C6: variants seen among roughly 807,000 people sequenced by gnomAD.
C6 encodes complement component C6.
C6 carries 101 observed loss-of-function variants against 112.9 expected under a neutral mutation model. The observed-to-expected ratio is 0.89, with a 90% CI of 0.76 to 1.06. The LOEUF is 1.06. Ranked by LOEUF, C6 falls within the 50% of genes least tolerant of loss-of-function variation. The pLI is 0.00. For missense variants in C6, 1,202 were observed against 1,104.6 expected (o/e 1.09, Z -1.25); for synonymous variants, 431 against 384.1 (o/e 1.12, Z -1.43).
chr5:41,214,040 C>A (rs183176763), upstream of C6, among the ~76,000 whole-genome samples: 1 of 152,008 alleles, frequency 6.6e-6, no homozygotes, highest in African/African-American at 2.4e-5. Flanking sequence ...ATGATGATTA[C>A]GCTTCTCTGA....
Position 41,149,959 on chromosome 5 carries a change from C to G in C6, c.2357G>C (p.Cys786Ser). 3 of 1,612,466 alleles carry G rather than the reference C, an allele frequency of 1.9e-6. No homozygotes were observed. The highest frequency in any genetic ancestry group is 2.5e-6 in the Non-Finnish European group (3 of 1,178,632). The stretch of plus-strand genomic sequence containing the variant: ...CCTACAGTCTTCTTCTGGAGACATA[C>G]AAATGCATTCAGATCCTGATTGTTT... ...GQKQSGSECI[C>S]MSPEEDCSHH... is the part of the protein sequence containing the mutation. The change falls in exon 16 of 18, where the codon TGT (cysteine) becomes TCT (serine). Residue 786 changes from cysteine (C) to serine (S), a missense_variant. Physicochemically the swap from Cys to Ser is moderately radical, Grantham distance 112. Coordinates refer to ENST00000337836, the MANE Select transcript of C6 (RefSeq NM_000065.5).
chr5:41,146,722 TTC>T (rs2150222289), intron 17 of C6, among the ~76,000 whole-genome samples: 1 of 152,238 alleles, frequency 6.6e-6, no homozygotes, highest in African/African-American at 2.4e-5. Flanking sequence ...ACCCAAAGCA[TTC>T]TGTTAATTTC....
rs181085534 is a variant in C6, at chr5:41,172,428, C to T, written c.1169-81G>A. The stretch of plus-strand genomic sequence containing the variant: ...GAGGAACATGGTGCTCTGGTCACTT[C>T]GGATCTACAGATACTTTATATTAGC... On this transcript the variant is annotated intron_variant, in intron 8 of 17. Coordinates refer to ENST00000337836, the MANE Select transcript of C6 (RefSeq NM_000065.5). 38 of 1,351,036 alleles carry T rather than the reference C, an allele frequency of 2.8e-5. No individual in the cohort carries two copies. The African/African-American group carries it at 4.7e-4, about 17-fold the overall frequency. The allele number at this position is 1,351,036 out of a possible 1,614,324, so 83.7% of individuals were successfully genotyped here. A position where few individuals can be genotyped will look rare whatever the true frequency, so the allele number is the denominator to read the frequency against.
chr5:41,149,134 A>G (rs186323659), intron 17 of C6, 107 bp downstream of exon 17: 6 of 1,374,240 alleles, frequency 4.4e-6, no homozygotes, highest in African/African-American at 2.9e-5. Flanking sequence ...TTTACAATGA[A>G]AAGGAATTAT....
At chr5:41,160,074 T>C (rs1186106307) in intron 11 of C6, 68 bp downstream of exon 11, 5 of 1,306,568 alleles carry the variant, frequency 3.8e-6, no homozygotes, top group Non-Finnish European at 3.3e-6. Context: ...TTCTTTTTAA[T>C]TGACCAACTT....
intron 9 of C6, among the ~76,000 whole-genome samples, chr5:41,164,976 C>T (rs933228818): frequency 1.3e-5 from 2 of 152,144 alleles, no homozygotes; most frequent in African/African-American, 4.8e-5. Context: ...GGAAAGCCTC[C>T]TTCATGCTTT....
At chr5:41,176,374 TA>T in intron 8 of C6, 100 bp downstream of exon 8, 1 of 1,213,704 alleles carries the variant, frequency 8.2e-7, no homozygotes, top group South Asian at 1.4e-5. Flanking sequence ...AAGCAGGATC[TA>T]AATAAAGTCA....
Position 41,234,349 on chromosome 5 carries a change from TG to T in C6, c.-21+26844del, listed in dbSNP as rs1399644077. On this transcript the variant is annotated intron_variant, in intron 1 of 17. Transcript: ENST00000263413. ...TATTCTACCCTTTCGTTTTTTTTTT[TG>T]TTTTTTGTTTTTTGTTTTTTTTTTT... 1.6e-3 allele frequency among the ~76,000 whole-genome samples: 226 copies of T among 138,778 alleles called. 1 individual carries two copies. Among genetic ancestry groups the T allele is most frequent in the African/African-American group, 6.8e-3 (218 of 32,014 alleles). 91.0% of individuals were successfully genotyped at this position (138,778 alleles called of 152,430 possible). A position where few individuals can be genotyped will look rare whatever the true frequency, so the allele number is the denominator to read the frequency against.
At chr5:41,218,992 T>C (rs1272407826) in intron 1 of C6, among the ~76,000 whole-genome samples, 1 of 152,332 alleles carries the variant, frequency 6.6e-6, no homozygotes, top group East Asian at 1.9e-4. Flanking sequence ...AAGGAAGTTA[T>C]CCTAACTAGG....
intron 9 of C6, among the ~76,000 whole-genome samples, chr5:41,165,710 C>T (rs1747922330): frequency 6.6e-6 from 1 of 152,000 alleles, no homozygotes. Flanking sequence ...AGGCTTTGTC[C>T]TCATCAATTT....
chr5:41,198,547 A>T (rs751254076), intron 4 of C6, among the ~76,000 whole-genome samples: 20 of 152,234 alleles, frequency 1.3e-4, no homozygotes, highest in African/African-American at 4.1e-4. Context: ...CTTAACAACC[A>T]TTACAGACAC....
intron 15 of C6, chr5:41,152,818 A>G (rs1746537537): frequency 6.6e-6 from 1 of 152,186 alleles, no homozygotes; most frequent in Non-Finnish European, 1.5e-5. Flanking sequence ...AAAAGAATCA[A>G]TTCAGCTTTC....
chr5:41,194,208 C>T lies in C6; in HGVS notation c.587+1584G>A, dbSNP rs111762399. On this transcript the variant is annotated intron_variant, in intron 5 of 17. Transcript: ENST00000337836. ...CCAAGAGAAGGAAACCATTTCTGCA[C>T]ATGGATAAGAATATGTTGTTGAAGC... Among the ~76,000 whole-genome samples the T allele has an allele frequency of 8.2e-3, 1,241 of 152,204 alleles. 18 individuals carry two copies. The highest frequency in any genetic ancestry group is 0.028 in the African/African-American group (1,166 of 41,542).
Position 41,158,816 on chromosome 5 carries a change from T to C in C6, c.1857-31A>G, listed in dbSNP as rs780886156. Reference sequence around the variant, plus strand: ...AGGGAAACATAAATATGTGTGTATATGTATGTATGTACACACATTTACATG... The same window carrying C: ...AGGGAAACATAAATATGTGTGTATACGTATGTATGTACACACATTTACATG... On this transcript the variant is annotated intron_variant, in intron 12 of 17. Transcript: ENST00000337836. 3.2e-6 allele frequency: 4 copies of C among 1,238,310 alleles called. No individual in the cohort carries two copies. In the Admixed American group the frequency reaches 5.1e-5, roughly 16 times the overall value. The allele number at this position is 1,238,310 out of a possible 1,614,324, so 76.7% of individuals were successfully genotyped here. A position where few individuals can be genotyped will look rare whatever the true frequency, so the allele number is the denominator to read the frequency against.
intron 4 of C6, among the ~76,000 whole-genome samples, chr5:41,197,028 T>C (rs1330975187): frequency 6.6e-6 from 1 of 152,174 alleles, no homozygotes; most frequent in Non-Finnish European, 1.5e-5. Flanking sequence ...ATTATCTGGT[T>C]GATTATTTTA....
At chr5:41,241,448 G>A (rs967396188) in intron 1 of C6, among the ~76,000 whole-genome samples, 1 of 152,106 alleles carries the variant, frequency 6.6e-6, no homozygotes, top group Admixed American at 6.5e-5. Flanking sequence ...TAAATTTGGA[G>A]GAATCAAAAA....
At position 41,176,794 on chromosome 5, in the gene C6, T is replaced by G. The variant is rs1007749671; in HGVS notation, c.928-79A>C. 4.6e-6 allele frequency: 6 copies of G among 1,290,598 alleles called. No homozygotes were observed. In the Admixed American group the frequency reaches 5.8e-5, roughly 12 times the overall value. The allele number at this position is 1,290,598 out of a possible 1,614,324, so 79.9% of individuals were successfully genotyped here. ...ACCTAGCATTTAAATGTCATTGATT[T>G]ATCATTAGTTTCATTCCCACCACAG... On this transcript the variant is annotated intron_variant, in intron 7 of 17. Coordinates refer to ENST00000337836, the MANE Select transcript of C6 (RefSeq NM_000065.5).
intron 1 of C6, among the ~76,000 whole-genome samples, chr5:41,229,109 CA>C (rs1739713316): frequency 6.6e-6 from 1 of 152,114 alleles, no homozygotes; most frequent in Non-Finnish European, 1.5e-5. Context: ...AGCACGACTC[CA>C]TCAAAAAGAA....
At chr5:41,210,092 A>G (rs1051215075) in intron 1 of C6, among the ~76,000 whole-genome samples, 3 of 152,228 alleles carry the variant, frequency 2.0e-5, no homozygotes, top group African/African-American at 7.2e-5. Flanking sequence ...TCTTTGACAA[A>G]TCTGACAAAA....
Sources: gnomAD v4.1 joint callset for allele counts (sites outside exome capture counted in the v4.1 genomes callset) on GRCh38, gnomAD v4.1.1 for gene constraint, MANE v1.5 for transcripts, NCBI Gene and HGNC (gene_info 2026-07-23, HGNC 2026-07-21) for gene names.